FOXP1: variants seen among roughly 807,000 people sequenced by gnomAD.
FOXP1 encodes forkhead box protein P1.
Under a neutral mutation model 98.2 loss-of-function variants are expected in FOXP1, and 15 were observed. The observed-to-expected ratio is 0.15, with a 90% confidence interval of 0.10 to 0.24. The LOEUF (loss-of-function observed/expected upper bound fraction) is 0.24. Among genes scored for constraint, FOXP1 ranks in the 10% least tolerant of loss-of-function variants. The pLI, the probability that FOXP1 is intolerant of heterozygous loss-of-function variation, is 1.00. For synonymous variants in FOXP1, 371 were observed against 314.5 expected (o/e 1.18, Z -1.90); for missense variants, 633 against 848.5 (o/e 0.75, Z 3.15).
At chr3:71,467,678 C>T (rs753218552) in intron 3 of FOXP1, among the ~76,000 whole-genome samples, 1 of 152,164 alleles carries the variant, frequency 6.6e-6, no homozygotes, top group African/African-American at 2.4e-5. Flanking sequence ...ACAAAGACTG[C>T]CAATTAGCCC....
intron 3 of FOXP1, among the ~76,000 whole-genome samples, chr3:71,413,292 C>CACACACACACACA (rs1364185381): frequency 1.8e-3 from 165 of 89,206 alleles, no homozygotes; most frequent in South Asian, 2.2e-3. Flanking sequence ...ACACACACAC[C>CACACACACACACA]CAAAACAGCC....
At chr3:71,517,216 A>C (rs1338446556) in intron 2 of FOXP1, among the ~76,000 whole-genome samples, 1 of 152,190 alleles carries the variant, frequency 6.6e-6, no homozygotes, top group Non-Finnish European at 1.5e-5. Context: ...ACATGTGGCT[A>C]TGCAAAACAC....
At chr3:71,101,139 CAT>C (rs2056923252) in intron 7 of FOXP1, among the ~76,000 whole-genome samples, 1 of 152,070 alleles carries the variant, frequency 6.6e-6, no homozygotes. Flanking sequence ...AAAAATGGCA[CAT>C]GTGAGGATGA....
chr3:71,092,240 G>A (rs2055947697), intron 7 of FOXP1, among the ~76,000 whole-genome samples: 1 of 150,008 alleles, frequency 6.7e-6, no homozygotes, highest in African/African-American at 2.5e-5. Flanking sequence ...GCATGGTGGT[G>A]CACGCCTGTA....
chr3:70,997,442 A>G (rs2041539956), intron 13 of FOXP1, among the ~76,000 whole-genome samples: 2 of 152,164 alleles, frequency 1.3e-5, no homozygotes, highest in South Asian at 4.1e-4. Flanking sequence ...AAATGCCCCC[A>G]TATGTGGTAG....
At chr3:71,397,444 G>A (rs1006073636) in intron 3 of FOXP1, among the ~76,000 whole-genome samples, 11 of 152,276 alleles carry the variant, frequency 7.2e-5, no homozygotes, top group South Asian at 2.1e-4. Context: ...TGCTGCCTGC[G>A]GTTCTTTGGA....
intron 3 of FOXP1, among the ~76,000 whole-genome samples, chr3:71,436,515 T>C (rs1019347899): frequency 2.0e-5 from 3 of 152,016 alleles, no homozygotes; most frequent in African/African-American, 4.8e-5. Flanking sequence ...TGACTCACTC[T>C]CATAAAAATC....
At chr3:71,203,435 T>C (rs1448307362) in intron 5 of FOXP1, among the ~76,000 whole-genome samples, 1 of 152,250 alleles carries the variant, frequency 6.6e-6, no homozygotes, top group East Asian at 1.9e-4. Flanking sequence ...GGAAAATTCA[T>C]AATGTCCAGG....
chr3:71,068,064 G>A (rs1422433043), intron 7 of FOXP1, among the ~76,000 whole-genome samples: 3 of 150,540 alleles, frequency 2.0e-5, no homozygotes, highest in East Asian at 1.9e-4. Context: ...GTAAGCCAAC[G>A]TTTAAGGAAG....
At chr3:71,569,785 CTTTT>C (rs796572529) in intron 2 of FOXP1, among the ~76,000 whole-genome samples, 4 of 142,234 alleles carry the variant, frequency 2.8e-5, no homozygotes, top group East Asian at 2.0e-4. Flanking sequence ...TCTCCACTTT[CTTTT>C]TTTTTTTTTT....
rs78153026 is a variant in FOXP1, at chr3:71,203,627, G to A, written c.-11-5235C>T. On this transcript the variant is annotated intron_variant, in intron 5 of 20. Transcript: ENST00000649528. Reference sequence around the variant, plus strand: ...AGTTAATTAAGGTTGACCAAGTCAGGCAGAAGTAAATTAACTTGGCTGATC... The same window carrying A: ...AGTTAATTAAGGTTGACCAAGTCAGACAGAAGTAAATTAACTTGGCTGATC... Among the ~76,000 whole-genome samples, 390 of 152,260 alleles carry A rather than the reference G, an allele frequency of 2.6e-3. 3 individuals carry two copies. The highest frequency in any genetic ancestry group is 8.8e-3 in the African/African-American group (365 of 41,548).
At chr3:71,407,768 A>G (rs892598419) in intron 3 of FOXP1, among the ~76,000 whole-genome samples, 6 of 152,134 alleles carry the variant, frequency 3.9e-5, no homozygotes, top group Non-Finnish European at 1.5e-5. Context: ...AGGGACCAAA[A>G]AAAAAAAATC....
intron 2 of FOXP1, among the ~76,000 whole-genome samples, chr3:71,560,273 C>T (rs2046437871): frequency 6.6e-6 from 1 of 152,234 alleles, no homozygotes; most frequent in Non-Finnish European, 1.5e-5. Flanking sequence ...AGACAGTGAA[C>T]TCCTGCAATA....
chr3:71,418,045 T>A (rs1306179374), intron 3 of FOXP1, among the ~76,000 whole-genome samples: 2 of 152,024 alleles, frequency 1.3e-5, no homozygotes. Flanking sequence ...GTTGCCAGTG[T>A]TAATTTCTAC....
intron 6 of FOXP1, among the ~76,000 whole-genome samples, chr3:71,135,076 C>T (rs577812269): frequency 1.9e-4 from 29 of 151,892 alleles, no homozygotes; most frequent in Non-Finnish European, 3.1e-4. Flanking sequence ...CTGGCCAACA[C>T]GGTGAAACCC....
At chr3:71,560,340 AC>A (rs1246179624) in intron 2 of FOXP1, among the ~76,000 whole-genome samples, 1 of 152,168 alleles carries the variant, frequency 6.6e-6, no homozygotes, top group Non-Finnish European at 1.5e-5. Context: ...GGCTCACACA[AC>A]CAGGTATGGC....
chr3:71,327,680 C>A (rs561209919), intron 4 of FOXP1, among the ~76,000 whole-genome samples: 3 of 152,106 alleles, frequency 2.0e-5, no homozygotes, highest in South Asian at 2.1e-4. Context: ...AGCCACTGTG[C>A]CCAGCCCAAT....
intron 3 of FOXP1, among the ~76,000 whole-genome samples, chr3:71,470,099 A>G (rs574857714): frequency 1.3e-5 from 2 of 152,052 alleles, no homozygotes; most frequent in East Asian, 3.9e-4. Context: ...TATTCATAAA[A>G]CATAAAAAAG....
chr3:71,492,999 T>A (rs1035487845), intron 3 of FOXP1, among the ~76,000 whole-genome samples: 3 of 152,122 alleles, frequency 2.0e-5, no homozygotes, highest in African/African-American at 7.2e-5. Context: ...TAAGTCCTGA[T>A]CATACAAAAA....
Sources: allele counts gnomAD v4.1 joint callset (sites outside exome capture counted in the v4.1 genomes callset), GRCh38; gene constraint gnomAD v4.1.1; transcripts MANE v1.5; gene names NCBI Gene and HGNC (gene_info 2026-07-23, HGNC 2026-07-21).